ERICH3: variants seen among roughly 807,000 people sequenced by gnomAD.
ERICH3 encodes the protein glutamate rich 3.
A neutral mutation model predicts 131.1 loss-of-function variants in ERICH3; 126 were observed. The observed-to-expected ratio is 0.96, with a 90% CI of 0.83 to 1.11. ERICH3 has a LOEUF of 1.11. Ranked by LOEUF, ERICH3 falls within the 50% of genes most tolerant of loss-of-function variation. The pLI is 0.00. For synonymous variants in ERICH3, 695 were observed against 644.6 expected (o/e 1.08, Z -1.18); for missense variants, 2,050 against 1,810.7 (o/e 1.13, Z -2.40).
chr1:74,581,678 TA>T (rs1465214431), intron 12 of ERICH3, among the ~76,000 whole-genome samples: 1 of 152,230 alleles, frequency 6.6e-6, no homozygotes, highest in Non-Finnish European at 1.5e-5. Context: ...AGTTACATGA[TA>T]AACCAACCTT....
At chr1:74,630,307 A>G (rs561081045) in intron 7 of ERICH3, among the ~76,000 whole-genome samples, 43 of 152,312 alleles carry the variant, frequency 2.8e-4, no homozygotes, top group African/African-American at 9.6e-4. Flanking sequence ...TATTGTTCCA[A>G]ATATTCGCTG....
At chr1:74,671,735 A>G in intron 1 of ERICH3, among the ~76,000 whole-genome samples, 1 of 152,194 alleles carries the variant, frequency 6.6e-6, no homozygotes, top group East Asian at 1.9e-4. Context: ...CATAATAAAT[A>G]TTTAGTTCTA....
chr1:74,672,602 G>C (rs564412848), intron 1 of ERICH3, among the ~76,000 whole-genome samples: 1 of 152,186 alleles, frequency 6.6e-6, no homozygotes, highest in South Asian at 2.1e-4. Flanking sequence ...CTAATTTGCT[G>C]CTCCTAAAAA....
At position 74,589,809 on chromosome 1, in the gene ERICH3, C is replaced by A; in HGVS notation, c.1998G>T (p.Glu666Asp). ...TKPMPIDESF[E>D]NVLKEGTEKG... Reference sequence around the variant, plus strand: ...TCTCCGTTCCTTCTTTAAGAACATTCTCAAAGCTTTCGTCTATTGGCATCG... The same window carrying A: ...TCTCCGTTCCTTCTTTAAGAACATTATCAAAGCTTTCGTCTATTGGCATCG... The change falls in exon 12 of 15, where the codon GAG becomes GAT. Residue 666 changes from glutamate (E) to aspartate (D), a missense_variant. Coordinates refer to ENST00000326665, the MANE Select transcript of ERICH3 (RefSeq NM_001002912.5). The A allele has an allele frequency of 6.2e-7, 1 of 1,614,090 alleles. No individual in the cohort carries two copies.
In ERICH3 at chr1:74,589,823, C is replaced by G; in HGVS notation, c.1984G>C (p.Asp662His). The change falls in exon 12 of 15, where the codon GAC (aspartate) becomes CAC (histidine). Residue 662 changes from aspartate (D) to histidine (H), a missense_variant. Coordinates refer to ENST00000326665, the MANE Select transcript of ERICH3 (RefSeq NM_001002912.5). ...TTAAGAACATTCTCAAAGCTTTCGT[C>G]TATTGGCATCGGCTTGGTCTCCACA... The part of the protein sequence containing the change: ...ADVETKPMPI[D>H]ESFENVLKEG... The G allele has an allele frequency of 1.2e-6, 2 of 1,614,128 alleles. No individual in the cohort carries two copies. Among genetic ancestry groups the G allele is most frequent in the African/African-American group, 2.7e-5 (2 of 75,050 alleles).
Position 74,573,346 on chromosome 1 carries a change from T to TA in ERICH3, c.2363dup (p.Val789SerfsTer18), listed in dbSNP as rs764654054. 4 of 1,611,540 alleles carry TA rather than the reference T, an allele frequency of 2.5e-6. No individual in the cohort carries two copies. The highest frequency in any genetic ancestry group is 2.5e-6 in the Non-Finnish European group (3 of 1,179,028). Reference sequence around the variant, plus strand: ...GTGCTGCCTCCCCTTTTCCCTGTACTATGTCAGCATCTCTGTGCTGGGGCG... The same window carrying TA: ...GTGCTGCCTCCCCTTTTCCCTGTACTAATGTCAGCATCTCTGTGCTGGGGCG... On this transcript the variant is annotated frameshift_variant, in exon 14 of 15. Transcript: ENST00000326665. LOFTEE classifies it high-confidence loss of function.
Position 74,589,779 on chromosome 1 carries a change from T to G in ERICH3, c.2028A>C (p.Gly676=). 1 of 1,614,120 alleles carries G rather than the reference T, an allele frequency of 6.2e-7. No individual in the cohort carries two copies. Residue 676 remains glycine (G), a synonymous_variant, in exon 12 of 15, where the codon GGA becomes GGC. Coordinates refer to ENST00000326665, the MANE Select transcript of ERICH3 (RefSeq NM_001002912.5). ...ATAAACCCTCTGCAATCTCTTGGGT[T>G]CCTTTCTCCGTTCCTTCTTTAAGAA... is the stretch of plus-strand genomic sequence containing the variant. ...ENVLKEGTEK[G]TQEIAEGLSE...
intron 11 of ERICH3, 129 bp downstream of exon 11, chr1:74,599,566 T>C (rs1648020675): frequency 1.2e-6 from 1 of 818,602 alleles, no homozygotes; most frequent in South Asian, 1.9e-5. Flanking sequence ...ATGTACCCCT[T>C]ATTTAAAAGT....
chr1:74,631,670 A>G (rs999119220), intron 7 of ERICH3, 43 bp downstream of exon 7: 3 of 1,494,054 alleles, frequency 2.0e-6, no homozygotes, highest in Non-Finnish European at 2.8e-6. Flanking sequence ...GTGCAATGTA[A>G]TCTGAGATAA....
At chr1:74,628,384 G>A (rs1183450285) in intron 7 of ERICH3, among the ~76,000 whole-genome samples, 4 of 152,054 alleles carry the variant, frequency 2.6e-5, no homozygotes, top group Admixed American at 6.6e-5. Context: ...GATTCATTTC[G>A]TAAAGAGAAG....
intron 1 of ERICH3, among the ~76,000 whole-genome samples, chr1:74,658,793 A>G (rs1289389463): frequency 1.3e-5 from 2 of 152,132 alleles, no homozygotes; most frequent in Non-Finnish European, 2.9e-5. Context: ...TAAATCTTCT[A>G]TTGACACTTG....
intron 11 of ERICH3, among the ~76,000 whole-genome samples, chr1:74,598,839 C>T (rs1287934516): frequency 6.6e-6 from 1 of 151,796 alleles, no homozygotes; most frequent in Non-Finnish European, 1.5e-5. Flanking sequence ...TTTCAGAAAG[C>T]AATCTGCCAG....
intron 5 of ERICH3, among the ~76,000 whole-genome samples, chr1:74,639,337 C>A (rs2100632333): frequency 6.6e-6 from 1 of 152,314 alleles, no homozygotes; most frequent in East Asian, 1.9e-4. Context: ...TACTTCCCTA[C>A]ATTTGCATAT....
chr1:74,646,340 C>A (rs550670965), intron 3 of ERICH3, among the ~76,000 whole-genome samples: 11 of 151,890 alleles, frequency 7.2e-5, no homozygotes, highest in Non-Finnish European at 1.3e-4. Flanking sequence ...TTTAGAGTAG[C>A]CATTGTAAAT....
chr1:74,656,136 G>A (rs994234281), intron 1 of ERICH3, among the ~76,000 whole-genome samples: 11 of 152,082 alleles, frequency 7.2e-5, no homozygotes, highest in African/African-American at 2.7e-4. Context: ...GGGTTTCCTA[G>A]AAAGAAACTG....
rs747137210 is a variant in ERICH3 at position 74,571,731 on chromosome 1, G to C, written c.3979C>G (p.Gln1327Glu). ...CCTCCTCCCATGCCCTCATTCTTTT[G>C]TGTGTTTCCTTCTCCTTCCATGTCC... ...DGDMEGEGNT[Q>E]KNEGMGGGRV... is the part of the protein sequence containing the mutation. The change falls in exon 14 of 15, where the codon CAA becomes GAA. Residue 1327 changes from glutamine (Q) to glutamate (E), a missense_variant. Transcript: ENST00000326665. 15 of 1,613,906 alleles carry C rather than the reference G, an allele frequency of 9.3e-6. No homozygotes were observed. In the African/African-American group the frequency reaches 1.7e-4, roughly 19 times the overall value.
chr1:74,673,639 G>T lies in ERICH3; in HGVS notation c.-120C>A. On this transcript the variant is annotated 5_prime_UTR_variant, in exon 1 of 15. Transcript: ENST00000326665. ...GTGGCTCCGCACCGAGGTCCCCTGT[G>T]CGCGGGCACCTGGGCTGGGCCGCCG... The T allele has an allele frequency of 8.7e-7, 1 of 1,154,804 alleles. No individual in the cohort carries two copies. Among genetic ancestry groups the T allele is most frequent in the Admixed American group, 2.9e-5 (1 of 34,616 alleles). The allele number at this position is 1,154,804 out of a possible 1,614,324, so 71.5% of individuals were successfully genotyped here.
intron 10 of ERICH3, 94 bp from the exon 11 acceptor site, chr1:74,600,025 C>G: frequency 1.2e-6 from 1 of 858,124 alleles, no homozygotes; most frequent in South Asian, 1.8e-5. Context: ...CCATTATCCT[C>G]TCTTCTCTGA....
At chr1:74,592,907 AATTTT>A in intron 11 of ERICH3, among the ~76,000 whole-genome samples, 1 of 152,316 alleles carries the variant, frequency 6.6e-6, no homozygotes, top group South Asian at 2.1e-4. Flanking sequence ...TTTCAAAACT[AATTTT>A]ATTTATTCTC....
Sources: allele counts gnomAD v4.1 joint callset (sites outside exome capture counted in the v4.1 genomes callset), GRCh38; gene constraint gnomAD v4.1.1; transcripts MANE v1.5; gene names NCBI Gene and HGNC (gene_info 2026-07-23, HGNC 2026-07-21).